The following MYO18B variants were observed in gnomAD, a reference collection of about 807,000 sequenced individuals.
MYO18B encodes myosin XVIIIB, also known as unconventional myosin-XVIIIb.
A neutral mutation model predicts 273.0 loss-of-function variants in MYO18B; 204 were observed. That is an observed-to-expected ratio of 0.75 (90% CI 0.67 to 0.84). MYO18B has a LOEUF of 0.84. Among genes scored for constraint, MYO18B ranks in the 40% least tolerant of loss-of-function variants. The pLI is 0.00. For missense variants in MYO18B, 3,212 were observed against 3,287.6 expected (o/e 0.98, Z 0.56); for synonymous variants, 1,330 against 1,305.7 (o/e 1.02, Z -0.40).
In MYO18B at chr22:25,898,304, C is replaced by T; in HGVS notation, c.4669-3C>T. On this transcript the variant is annotated splice_polypyrimidine_tract_variant and splice_region_variant and intron_variant, in intron 28 of 43. Coordinates refer to ENST00000335473, the MANE Select transcript of MYO18B (RefSeq NM_032608.7). ...CGGGTAATTCATTCTATTACTCTTACAGCTTGGGGAGTTGCAAAGTGCTTA... is the reference window on the plus strand; with the variant it reads ...CGGGTAATTCATTCTATTACTCTTATAGCTTGGGGAGTTGCAAAGTGCTTA... 1.9e-6 allele frequency: 3 copies of T among 1,611,968 alleles called. No homozygotes were observed. The highest frequency in any genetic ancestry group is 1.7e-4 in the Middle Eastern group (1 of 6,016).
intron 35 of MYO18B, among the ~76,000 whole-genome samples, chr22:25,947,129 A>G (rs1289562465): frequency 1.3e-5 from 2 of 152,144 alleles, no homozygotes; most frequent in East Asian, 3.9e-4. Flanking sequence ...ACACACACAT[A>G]CACATACATG....
At chr22:25,845,710 A>G (rs1178241157) in intron 18 of MYO18B, among the ~76,000 whole-genome samples, 1 of 152,198 alleles carries the variant, frequency 6.6e-6, no homozygotes, top group Admixed American at 6.5e-5. Flanking sequence ...CATGAAACAC[A>G]TGGCACGTGC....
At chr22:25,977,883 C>A (rs1430030536) in intron 39 of MYO18B, among the ~76,000 whole-genome samples, 1 of 152,164 alleles carries the variant, frequency 6.6e-6, no homozygotes, top group Non-Finnish European at 1.5e-5. Flanking sequence ...AACTGAGGGT[C>A]AAGTGGGTGA....
At chr22:26,024,983 G>A (rs1224738775) in intron 42 of MYO18B, among the ~76,000 whole-genome samples, 1 of 152,198 alleles carries the variant, frequency 6.6e-6, no homozygotes, top group East Asian at 1.9e-4. Flanking sequence ...ATCACACAGT[G>A]GAAGGGGTGA....
intron 39 of MYO18B, among the ~76,000 whole-genome samples, chr22:25,963,483 C>T (rs905899579): frequency 2.7e-5 from 4 of 149,420 alleles, no homozygotes; most frequent in Non-Finnish European, 5.9e-5. Context: ...TTCCCCTCTT[C>T]TCTTTCTGTC....
chr22:25,845,996 G>C, intron 18 of MYO18B, 104 bp from the exon 19 acceptor site: 1 of 1,048,528 alleles, frequency 9.5e-7, no homozygotes, highest in Non-Finnish European at 1.3e-6. Context: ...TTAGGAAGCC[G>C]AGGAGCAGGA....
In MYO18B at chr22:26,030,494, CAG is replaced by C. The variant is rs1423379464; in HGVS notation, c.*70_*71del. On this transcript the variant is annotated 3_prime_UTR_variant, in exon 44 of 44. Coordinates refer to ENST00000335473, the MANE Select transcript of MYO18B (RefSeq NM_032608.7). Reference sequence around the variant, plus strand: ...TCCCGACTCTACAATAACTTGGAGACAGAGAGACTGGCCAGGCCTCCCCGGTG... The same window carrying C: ...TCCCGACTCTACAATAACTTGGAGACAGAGACTGGCCAGGCCTCCCCGGTG... 6.2e-6 allele frequency: 1 copy of C among 162,344 alleles called. No homozygotes were observed. Among genetic ancestry groups the C allele is most frequent in the Non-Finnish European group, 1.3e-5 (1 of 74,706 alleles). The allele number at this position is 162,344 out of a possible 1,614,324, so 10.1% of individuals were successfully genotyped here.
rs955325345 is a variant in MYO18B, at chr22:25,943,237, G to A, written c.5518-2900G>A. Among the ~76,000 whole-genome samples, 5 of 151,968 alleles carry A rather than the reference G, an allele frequency of 3.3e-5. No homozygotes were observed. The East Asian group carries it at 5.8e-4, about 18-fold the overall frequency. ...CCTTGATGGCCCATCTGCTCCTGCC[G>A]CCCAGACCTTTTGTTGTTTGCATGC... is the stretch of plus-strand genomic sequence containing the variant. On this transcript the variant is annotated intron_variant, in intron 34 of 43. Transcript: ENST00000335473.
chr22:26,053,896 AT>A, the MYO18B span, among the ~76,000 whole-genome samples: 2 of 152,138 alleles, frequency 1.3e-5, no homozygotes, highest in Non-Finnish European at 2.9e-5. Flanking sequence ...TTCTGAGTAG[AT>A]TTCCCTTCTA....
At chr22:26,020,842 A>G (rs1468839887) in intron 42 of MYO18B, among the ~76,000 whole-genome samples, 1 of 152,198 alleles carries the variant, frequency 6.6e-6, no homozygotes, top group Non-Finnish European at 1.5e-5. Context: ...TAATCCCAAC[A>G]GTTTGGGAGG....
chr22:25,960,802 C>T (rs1460179932), intron 39 of MYO18B, among the ~76,000 whole-genome samples: 3 of 152,184 alleles, frequency 2.0e-5, no homozygotes, highest in African/African-American at 7.2e-5. Flanking sequence ...GTCCGCCCTG[C>T]AGGAGATCCT....
At chr22:26,011,999 T>G (rs1363185932) in intron 42 of MYO18B, among the ~76,000 whole-genome samples, 5 of 152,208 alleles carry the variant, frequency 3.3e-5, no homozygotes, top group Non-Finnish European at 5.9e-5. Flanking sequence ...ACTCTTGGCT[T>G]GCAGTTCTTG....
At position 25,908,317 on chromosome 22, in the gene MYO18B, C is replaced by T. The variant is rs374451459; in HGVS notation, c.5149-5C>T. On this transcript the variant is annotated splice_region_variant and splice_polypyrimidine_tract_variant and intron_variant, in intron 31 of 43. Transcript: ENST00000335473. ...CCTCACGTGCTGTCCTTGCTGCCCC[C>T]GCAGCTCCGCCAGCGGTTTGAGCTG... 166 of 1,569,992 alleles carry T rather than the reference C, an allele frequency of 1.1e-4. No homozygotes were observed. The highest frequency in any genetic ancestry group is 7.0e-4 in the Admixed American group (37 of 53,096).
intron 5 of MYO18B, 59 bp from the exon 6 acceptor site, chr22:25,770,813 C>A: frequency 7.8e-7 from 1 of 1,277,518 alleles, no homozygotes; most frequent in Non-Finnish European, 1.1e-6. Flanking sequence ...TCGCCTCTTT[C>A]CCCTCTTCCC....
downstream of MYO18B, among the ~76,000 whole-genome samples, chr22:26,033,788 CTG>C (rs1227292100): frequency 1.5e-5 from 2 of 131,022 alleles, no homozygotes; most frequent in African/African-American, 8.1e-5. Context: ...CTTTCTTTTT[CTG>C]TCTCTCCTTC....
rs1003957298 is a variant in MYO18B at position 25,869,364 on chromosome 22, C to T, written c.3951+979C>T. On this transcript the variant is annotated intron_variant, in intron 22 of 43. Transcript: ENST00000335473. ...ACTTGGGAGGCCGAGGCAGGAGAAT[C>T]GCTTGAACCCGGGAGGCGAAGGTTG... Among the ~76,000 whole-genome samples the T allele has an allele frequency of 3.4e-5, 5 of 146,064 alleles. No individual in the cohort carries two copies. The South Asian group carries it at 6.7e-4, about 20-fold the overall frequency.
rs398036691 is a variant in MYO18B at position 25,814,294 on chromosome 22, C to CTTTTTTTTTTTTTT, written c.2522-9181_2522-9168dup. 3.0e-4 allele frequency among the ~76,000 whole-genome samples: 18 copies of CTTTTTTTTTTTTTT among 59,432 alleles called. 2 individuals carry two copies. Among genetic ancestry groups the CTTTTTTTTTTTTTT allele is most frequent in the Non-Finnish European group, 5.5e-4 (17 of 30,808 alleles). 39.0% of individuals were successfully genotyped at this position (59,432 alleles called of 152,430 possible). On this transcript the variant is annotated intron_variant, in intron 12 of 43. Coordinates refer to ENST00000335473, the MANE Select transcript of MYO18B (RefSeq NM_032608.7). ...GCTTGCCATGCTCCCAGGCACCGTT[C>CTTTTTTTTTTTTTT]TTTTTTTTTTTTTTTTTTTTTTTTT...
At chr22:25,948,442 C>CTTT (rs1569225044) in intron 36 of MYO18B, among the ~76,000 whole-genome samples, 91 of 118,962 alleles carry the variant, frequency 7.6e-4, no homozygotes, top group African/African-American at 2.7e-3. Context: ...TTCCTTCCTT[C>CTTT]CTTCCTTCCT....
At chr22:25,820,073 CTAT>C (rs370060818) in intron 12 of MYO18B, among the ~76,000 whole-genome samples, 1 of 137,488 alleles carries the variant, frequency 7.3e-6, no homozygotes, top group Non-Finnish European at 1.6e-5. Flanking sequence ...ATCATCATCA[CTAT>C]CATCATCACT....
Sources: allele counts gnomAD v4.1 joint callset (sites outside exome capture counted in the v4.1 genomes callset), GRCh38; gene constraint gnomAD v4.1.1; transcripts MANE v1.5; gene names NCBI Gene and HGNC (gene_info 2026-07-23, HGNC 2026-07-21).